Variants in PANK2 observed in about 807,000 individuals in gnomAD.
PANK2 encodes the protein pantothenate kinase 2, also known as pantothenate kinase 2, mitochondrial.
A neutral mutation model predicts 43.1 loss-of-function variants in PANK2; 36 were observed. The ratio of observed to expected loss-of-function variants is 0.84; its 90% CI spans 0.64 to 1.10. The LOEUF is 1.10. Among genes scored for constraint, PANK2 ranks in the 50% least tolerant of loss-of-function variants. The probability of loss-of-function intolerance (pLI) is 0.00; values close to 1 mark genes in which losing one functional copy is unlikely to be tolerated. For missense variants in PANK2, 576 were observed against 593.3 expected (o/e 0.97, Z 0.30); for synonymous variants, 281 against 238.2 (o/e 1.18, Z -1.66).
rs1227682021 is a variant in PANK2 at position 3,901,548 on chromosome 20, A to G, written c.299-6378A>G. 6 of 924,876 alleles carry G rather than the reference A, an allele frequency of 6.5e-6. No homozygotes were observed. In the African/African-American group the frequency reaches 1.1e-4, roughly 17 times the overall value. 57.3% of individuals were successfully genotyped at this position (924,876 alleles called of 1,614,324 possible). A position where few individuals can be genotyped will look rare whatever the true frequency, so the allele number is the denominator to read the frequency against. ...ATCTTTTCTTCCCTTTTCCAACAAGACAGAACTGCTGCTTGCTTTCATTTC... is the reference window on the plus strand; with the variant it reads ...ATCTTTTCTTCCCTTTTCCAACAAGGCAGAACTGCTGCTTGCTTTCATTTC... On this transcript the variant is annotated intron_variant, in intron 1 of 6. Coordinates refer to ENST00000610179, the MANE Select transcript of PANK2 (RefSeq NM_001386393.1).
chr20:3,914,007 T>G (rs747493607), intron 4 of PANK2, among the ~76,000 whole-genome samples: 1 of 151,666 alleles, frequency 6.6e-6, no homozygotes, highest in Non-Finnish European at 1.5e-5. Context: ...GCCAGGATGG[T>G]CTCGATCTGC....
At chr20:3,909,341 A>G (rs529182747) in intron 2 of PANK2, among the ~76,000 whole-genome samples, 1 of 152,210 alleles carries the variant, frequency 6.6e-6, no homozygotes, top group South Asian at 2.1e-4. Flanking sequence ...CAGCCTCCCA[A>G]AGTGCTGGGA....
At chr20:3,907,714 T>G (rs960895300) in intron 1 of PANK2, among the ~76,000 whole-genome samples, 2 of 152,338 alleles carry the variant, frequency 1.3e-5, no homozygotes, top group Admixed American at 6.5e-5. Flanking sequence ...CTCAATACTT[T>G]GATATTTTTC....
intron 4 of PANK2, among the ~76,000 whole-genome samples, chr20:3,915,586 A>G (rs922200934): frequency 2.4e-4 from 37 of 152,072 alleles, no homozygotes; most frequent in Non-Finnish European, 2.1e-4. Flanking sequence ...GTGAGCCACC[A>G]CGCCCGCCAG....
upstream of PANK2, chr20:3,888,980 G>A (rs2090059155): frequency 3.0e-5 from 23 of 754,476 alleles, no homozygotes; most frequent in South Asian, 1.2e-4. Flanking sequence ...TGGGCTGGAG[G>A]AGGGCTCGAG....
At chr20:3,900,808 G>A (rs894884900) in intron 1 of PANK2, among the ~76,000 whole-genome samples, 1 of 151,462 alleles carries the variant, frequency 6.6e-6, no homozygotes, top group Non-Finnish European at 1.5e-5. Context: ...TTGCTCTGTC[G>A]CCTAGGCTGG....
At chr20:3,899,703 CTTTTTTTT>C (rs11469308) in intron 1 of PANK2, among the ~76,000 whole-genome samples, 1 of 89,026 alleles carries the variant, frequency 1.1e-5, no homozygotes, top group Non-Finnish European at 2.2e-5. Context: ...ATCAGTTGTA[CTTTTTTTT>C]TTTTTTTTTT....
At chr20:3,922,716 C>CT (rs1031940027) in intron 6 of PANK2, among the ~76,000 whole-genome samples, 1 of 152,136 alleles carries the variant, frequency 6.6e-6, no homozygotes, top group African/African-American at 2.4e-5. Context: ...CCCCCTCCTG[C>CT]TGTCCTGTCC....
intron 1 of PANK2, chr20:3,901,731 T>A: frequency 2.4e-6 from 1 of 410,160 alleles, no homozygotes; most frequent in Non-Finnish European, 3.3e-6. Context: ...GTTTTAAAAT[T>A]ATGGCATTCA....
At chr20:3,903,234 T>A (rs1157482844) in intron 1 of PANK2, among the ~76,000 whole-genome samples, 1 of 151,230 alleles carries the variant, frequency 6.6e-6, no homozygotes, top group Admixed American at 6.7e-5. Flanking sequence ...AATTTACTCC[T>A]CCTCCTGGGT....
chr20:3,927,344 G>A lies in PANK2; in HGVS notation c.*4050G>A, dbSNP rs1031073915. ...AATTTGCTTTTATTTACACGTTTGA[G>A]TCAATTACATGCATGTTTTATTTTT... On this transcript the variant is annotated 3_prime_UTR_variant, in exon 7 of 7. Transcript: ENST00000610179. The A allele has an allele frequency of 1.3e-5, 2 of 152,158 alleles. No homozygotes were observed. The highest frequency in any genetic ancestry group is 4.8e-5 in the African/African-American group (2 of 41,420). The allele number at this position is 152,158 out of a possible 1,614,324, so 9.4% of individuals were successfully genotyped here.
intron 1 of PANK2, chr20:3,889,977 C>A: frequency 6.8e-7 from 1 of 1,461,578 alleles, no homozygotes; most frequent in Non-Finnish European, 9.2e-7. Context: ...TTCCCCAGGA[C>A]CTGTCCTCCC....
intron 1 of PANK2, 39 bp from the exon 2 acceptor site, chr20:3,907,887 G>GA: frequency 7.6e-6 from 12 of 1,580,496 alleles, no homozygotes; most frequent in Non-Finnish European, 1.0e-5. Flanking sequence ...TTAATTTTCA[G>GA]AAAAAAGCTG....
rs1397515883 is a variant in PANK2, at chr20:3,899,057, G to C, written c.299-8869G>C. ...ACCTGGCTAATTTTTTATATTTTTA[G>C]TAGAGACGGGGTTTCACCATCTTGG... is the stretch of plus-strand genomic sequence containing the variant. On this transcript the variant is annotated intron_variant, in intron 1 of 6. Transcript: ENST00000610179. Among the ~76,000 whole-genome samples the C allele has an allele frequency of 2.6e-5, 4 of 151,734 alleles. No individual in the cohort carries two copies. In the Admixed American group the frequency reaches 2.7e-4, roughly 10 times the overall value.
At chr20:3,917,211 T>A (rs1251165406) in intron 5 of PANK2, among the ~76,000 whole-genome samples, 161 bp downstream of exon 5, 1 of 144,492 alleles carries the variant, frequency 6.9e-6, no homozygotes, top group East Asian at 2.0e-4. Flanking sequence ...TTAATCTTCT[T>A]TTTTTTTTTT....
chr20:3,910,895 A>G, intron 3 of PANK2, 65 bp downstream of exon 3: 1 of 1,561,704 alleles, frequency 6.4e-7, no homozygotes, highest in Non-Finnish European at 8.8e-7. Context: ...TTCAGGTATT[A>G]CATGTAACTA....
intron 1 of PANK2, chr20:3,889,931 T>C (rs2090091169): frequency 6.5e-7 from 1 of 1,530,694 alleles, no homozygotes; most frequent in Admixed American, 2.0e-5. Context: ...CCGCACCCAT[T>C]GGTATGCACT....
rs995002299 is a variant in PANK2, at chr20:3,915,270, C to T, written c.1083-1657C>T. 1.5e-4 allele frequency among the ~76,000 whole-genome samples: 22 copies of T among 151,456 alleles called. 1 individual carries two copies. The highest frequency in any genetic ancestry group is 1.4e-3 in the Admixed American group (21 of 15,154). ...TTTTAAGAGTTTTATAGTTTTAGCT[C>T]ATATATATATATGTGTGTGTGTGTA... On this transcript the variant is annotated intron_variant, in intron 4 of 6. Coordinates refer to ENST00000610179, the MANE Select transcript of PANK2 (RefSeq NM_001386393.1).
chr20:3,904,780 T>C (rs1368791735), intron 1 of PANK2, among the ~76,000 whole-genome samples: 1 of 152,210 alleles, frequency 6.6e-6, no homozygotes, highest in Non-Finnish European at 1.5e-5. Context: ...TTTGATTCTG[T>C]TTATTCCTGC....
Sources: gnomAD v4.1 joint callset for allele counts (sites outside exome capture counted in the v4.1 genomes callset) on GRCh38, gnomAD v4.1.1 for gene constraint, MANE v1.5 for transcripts, NCBI Gene and HGNC (gene_info 2026-07-23, HGNC 2026-07-21) for gene names.